RBFOX1: variants seen among roughly 807,000 people sequenced by gnomAD.
RBFOX1 encodes the protein RNA binding protein fox-1 homolog 1.
In RBFOX1, 8 loss-of-function variants were observed where a neutral mutation model predicts 57.7. The ratio of observed to expected loss-of-function variants is 0.14; its 90% CI spans 0.08 to 0.25. The LOEUF is 0.25. RBFOX1 is among the 10% of genes least tolerant of loss of function. The pLI is 1.00. For missense variants in RBFOX1, 611 were observed against 548.5 expected (o/e 1.11, Z -1.14); for synonymous variants, 326 against 222.4 (o/e 1.47, Z -4.15).
chr16:7,508,276 C>G (rs2074018130), intron 4 of RBFOX1, among the ~76,000 whole-genome samples: 1 of 152,150 alleles, frequency 6.6e-6, no homozygotes, highest in Admixed American at 6.5e-5. Flanking sequence ...CCGCGCCCGG[C>G]CAGTTGTTTT....
At chr16:6,969,054 C>A (rs1437540216) in intron 3 of RBFOX1, among the ~76,000 whole-genome samples, 2 of 152,080 alleles carry the variant, frequency 1.3e-5, no homozygotes, top group African/African-American at 2.4e-5. Context: ...ATACAGTTCC[C>A]ATCCGAGAGG....
intron 1 of RBFOX1, among the ~76,000 whole-genome samples, chr16:6,190,881 C>G (rs1351064373): frequency 2.6e-5 from 4 of 152,288 alleles, no homozygotes; most frequent in Admixed American, 2.0e-4. Flanking sequence ...CCATATGCCT[C>G]TCCATCTTGT....
intron 2 of RBFOX1, among the ~76,000 whole-genome samples, chr16:5,596,431 C>G (rs2151196213): frequency 6.6e-6 from 1 of 152,322 alleles, no homozygotes; most frequent in Non-Finnish European, 1.5e-5. Flanking sequence ...CAACACAATG[C>G]AGTGACCATT....
chr16:5,811,003 T>C, intron 3 of RBFOX1, among the ~76,000 whole-genome samples: 1 of 152,138 alleles, frequency 6.6e-6, no homozygotes, highest in East Asian at 1.9e-4. Context: ...TCCAATGGGT[T>C]TGTTTGTGTA....
chr16:5,315,391 T>C (rs28605979), intron 1 of RBFOX1, among the ~76,000 whole-genome samples: 2,651 of 152,292 alleles, frequency 0.017, 70 homozygotes, highest in African/African-American at 0.058. Context: ...AGAATTCATA[T>C]CTTGCAGGAT....
intron 1 of RBFOX1, among the ~76,000 whole-genome samples, chr16:6,161,871 G>A (rs535521108): frequency 3.9e-5 from 6 of 152,336 alleles, no homozygotes; most frequent in African/African-American, 1.4e-4. Flanking sequence ...CAAACTTTGA[G>A]TAGGTTGAAC....
At chr16:6,504,137 C>T (rs1317393996) in intron 2 of RBFOX1, among the ~76,000 whole-genome samples, 1 of 152,132 alleles carries the variant, frequency 6.6e-6, no homozygotes, top group East Asian at 1.9e-4. Flanking sequence ...AGTCATATAC[C>T]TCTAGTGACA....
chr16:6,923,381 C>A (rs112220127), intron 3 of RBFOX1, among the ~76,000 whole-genome samples: 7,019 of 151,956 alleles, frequency 0.046, 519 homozygotes, highest in African/African-American at 0.16. Flanking sequence ...TAACAATACA[C>A]AAATTAGCAG....
chr16:6,982,046 AT>A (rs1319387416), intron 3 of RBFOX1, among the ~76,000 whole-genome samples: 1 of 152,154 alleles, frequency 6.6e-6, no homozygotes, highest in Admixed American at 6.5e-5. Context: ...TTTATGTAAA[AT>A]TTTCGTAGTT....
chr16:5,765,014 C>G (rs532810383), intron 3 of RBFOX1, among the ~76,000 whole-genome samples: 2 of 152,112 alleles, frequency 1.3e-5, no homozygotes, highest in Non-Finnish European at 2.9e-5. Flanking sequence ...CGCAGGGTAC[C>G]TGATACTGTG....
intron 3 of RBFOX1, among the ~76,000 whole-genome samples, chr16:5,857,882 G>A (rs1240884960): frequency 8.6e-5 from 13 of 152,046 alleles, no homozygotes; most frequent in African/African-American, 3.1e-4. Context: ...GGGAGGCAGC[G>A]GTTGCAGTCA....
intron 3 of RBFOX1, among the ~76,000 whole-genome samples, chr16:6,748,095 A>G (rs770041942): frequency 1.3e-5 from 2 of 152,082 alleles, no homozygotes; most frequent in Non-Finnish European, 2.9e-5. Context: ...CTGAACTTGT[A>G]TATGTAATTA....
At chr16:5,980,838 C>G (rs1030409231) in intron 4 of RBFOX1, among the ~76,000 whole-genome samples, 1 of 148,908 alleles carries the variant, frequency 6.7e-6, no homozygotes, top group Admixed American at 6.7e-5. Context: ...CAGGCTCAGA[C>G]ACTTTGTCGG....
At chr16:6,530,947 C>T (rs1030508524) in intron 2 of RBFOX1, among the ~76,000 whole-genome samples, 10 of 152,094 alleles carry the variant, frequency 6.6e-5, no homozygotes, top group Middle Eastern at 3.2e-3. Flanking sequence ...TTGGAAGATC[C>T]GGCTCCAGAA....
intron 3 of RBFOX1, among the ~76,000 whole-genome samples, chr16:6,811,419 C>G (rs958406450): frequency 6.6e-6 from 1 of 152,150 alleles, no homozygotes; most frequent in Non-Finnish European, 1.5e-5. Context: ...TTTAATGTTT[C>G]ATTGGCTATT....
At chr16:7,308,127 C>T (rs1354540817) in intron 4 of RBFOX1, among the ~76,000 whole-genome samples, 1 of 152,136 alleles carries the variant, frequency 6.6e-6, no homozygotes, top group Non-Finnish European at 1.5e-5. Flanking sequence ...CACACACATG[C>T]ATGGACACAC....
At chr16:7,192,391 T>A (rs2085624809) in intron 4 of RBFOX1, among the ~76,000 whole-genome samples, 1 of 152,154 alleles carries the variant, frequency 6.6e-6, no homozygotes, top group Admixed American at 6.5e-5. Flanking sequence ...CCTAGTAGTG[T>A]TTGCTTAGGA....
intron 3 of RBFOX1, among the ~76,000 whole-genome samples, chr16:7,004,405 C>T (rs763073299): frequency 6.6e-6 from 1 of 152,100 alleles, no homozygotes; most frequent in East Asian, 1.9e-4. Context: ...TATTTAGTCT[C>T]AGAGACCCAA....
intron 4 of RBFOX1, among the ~76,000 whole-genome samples, chr16:7,375,491 A>C (rs2097668646): frequency 6.6e-6 from 1 of 151,164 alleles, no homozygotes; most frequent in Non-Finnish European, 1.5e-5. Flanking sequence ...GTGTTACGAG[A>C]GGTTTTGTTT....
Sources: gnomAD v4.1 joint callset for allele counts (sites outside exome capture counted in the v4.1 genomes callset) on GRCh38, gnomAD v4.1.1 for gene constraint, MANE v1.5 for transcripts, NCBI Gene and HGNC (gene_info 2026-07-23, HGNC 2026-07-21) for gene names.